The following TEAD3 variants were observed in gnomAD, a reference collection of about 807,000 sequenced individuals.
TEAD3 encodes the protein transcriptional enhancer factor TEF-5.
Under a neutral mutation model 55.6 loss-of-function variants are expected in TEAD3, and 15 were observed. The ratio of observed to expected loss-of-function variants is 0.27; its 90% CI spans 0.18 to 0.42. The LOEUF is 0.42. Ranked by LOEUF, TEAD3 falls within the 10% of genes least tolerant of loss-of-function variation. The pLI is 1.00. For missense variants in TEAD3, 407 were observed against 576.8 expected, an observed-to-expected ratio of 0.71 and a Z score of 3.01; for synonymous variants, 210 against 232.2, an observed-to-expected ratio of 0.90 and a Z score of 0.87.
Position 35,475,279 on chromosome 6 carries a change from A to T in TEAD3, c.1194+57T>A, listed in dbSNP as rs917598672. 1 of 1,607,268 alleles carries T rather than the reference A, an allele frequency of 6.2e-7. No individual in the cohort carries two copies. The highest frequency in any genetic ancestry group is 8.5e-7 in the Non-Finnish European group (1 of 1,175,780). On this transcript the variant is annotated intron_variant, in intron 12 of 12. Coordinates refer to ENST00000639578, the Ensembl canonical transcript of TEAD3. The surrounding 1 kb of genome is among the most constrained non-coding windows in gnomAD (Gnocchi z 5.4). ...TCTCAGCCAAGCGATGTGTCTGGCT[A>T]CCCAACTTGGAGGCCCTGGCCTGTG...
At chr6:35,474,544 G>A (rs2150909806), downstream of TEAD3, 1 of 156,932 alleles carries the variant, frequency 6.4e-6, no homozygotes, top group Admixed American at 6.1e-5. Context: ...CACAAGCCAT[G>A]CAAGGAGTCT....
chr6:35,481,143 T>G (rs1321004695), intron 3 of TEAD3, among the ~76,000 whole-genome samples: 1 of 151,966 alleles, frequency 6.6e-6, no homozygotes, highest in African/African-American at 2.4e-5. Flanking sequence ...TGGGTGCTCT[T>G]AATTGCAATT....
At position 35,484,660 on chromosome 6, in the gene TEAD3, A is replaced by C; in HGVS notation, c.203-36T>G. 2 of 1,560,128 alleles carry C rather than the reference A, an allele frequency of 1.3e-6. No homozygotes were observed. Among genetic ancestry groups the C allele is most frequent in the Non-Finnish European group, 1.7e-6 (2 of 1,149,634 alleles). ...GTGAGAGAGAAAATGAGGAGTGGGC[A>C]AAGGGTGGAGCCAGAGGCTGGAGGC... On this transcript the variant is annotated intron_variant, in intron 2 of 12. Coordinates refer to ENST00000639578, the Ensembl canonical transcript of TEAD3. The surrounding 1 kb of genome is among the most constrained non-coding windows in gnomAD (Gnocchi z 5.8).
rs1768341599 is a variant in TEAD3, at chr6:35,484,872, G to C, written c.203-248C>G. 6.6e-6 allele frequency among the ~76,000 whole-genome samples: 1 copy of C among 152,190 alleles called. No homozygotes were observed. The highest frequency in any genetic ancestry group is 2.4e-5 in the African/African-American group (1 of 41,446). ...GGGAGGGGTGCATGAGGGGCTGCAGGGTAGGAGGAAGGAGGGCCGAGCAGC... is the reference window on the plus strand; with the variant it reads ...GGGAGGGGTGCATGAGGGGCTGCAGCGTAGGAGGAAGGAGGGCCGAGCAGC... On this transcript the variant is annotated intron_variant, in intron 2 of 12. Transcript: ENST00000639578. This position sits in a 1 kb window ranked among gnomAD's most constrained non-coding sequence, Gnocchi z 5.8.
At position 35,476,443 on chromosome 6, in the gene TEAD3, G is replaced by C; in HGVS notation, c.593-8C>G. 1 of 1,612,634 alleles carries C rather than the reference G, an allele frequency of 6.2e-7. No individual in the cohort carries two copies. The highest frequency in any genetic ancestry group is 8.5e-7 in the Non-Finnish European group (1 of 1,179,776). ...GGGCCAGGGGCTCATAACCTGGGAGGGCGAGACAGATTTTCATCTGCATGG... is the reference window on the plus strand; with the variant it reads ...GGGCCAGGGGCTCATAACCTGGGAGCGCGAGACAGATTTTCATCTGCATGG... On this transcript the variant is annotated splice_region_variant and splice_polypyrimidine_tract_variant and intron_variant, in intron 8 of 12. Coordinates refer to ENST00000639578, the Ensembl canonical transcript of TEAD3.
In TEAD3 at chr6:35,484,435, AAGGAGGGTGGCAGTCC is replaced by A; in HGVS notation, c.267+109_267+124del. On this transcript the variant is annotated intron_variant, in intron 3 of 12. Coordinates refer to ENST00000639578, the Ensembl canonical transcript of TEAD3. This position sits in a 1 kb window ranked among gnomAD's most constrained non-coding sequence, Gnocchi z 5.8. ...GGGGGTAAGGGGAGTGTGATGAGGCAAGGAGGGTGGCAGTCCAGGTCAGGGGCAGCCTCGAGGAGGT... is the reference window on the plus strand; with the variant it reads ...GGGGGTAAGGGGAGTGTGATGAGGCAAGGTCAGGGGCAGCCTCGAGGAGGT... 1.1e-6 allele frequency: 1 copy of A among 870,548 alleles called. No individual in the cohort carries two copies. Among genetic ancestry groups the A allele is most frequent in the South Asian group, 1.5e-5 (1 of 64,670 alleles). The allele number at this position is 870,548 out of a possible 1,614,324, so 53.9% of individuals were successfully genotyped here. A position where few individuals can be genotyped will look rare whatever the true frequency, so the allele number is the denominator to read the frequency against.
At chr6:35,487,235 C>G (rs137880672) in intron 1 of TEAD3, among the ~76,000 whole-genome samples, 78 of 152,054 alleles carry the variant, frequency 5.1e-4, no homozygotes, top group African/African-American at 1.7e-3. Context: ...ACCTGACCAA[C>G]ATGGTGAAAA....
Position 35,484,472 on chromosome 6 carries a change from G to C in TEAD3, c.267+88C>G. 4 of 1,323,352 alleles carry C rather than the reference G, an allele frequency of 3.0e-6. No individual in the cohort carries two copies. The South Asian group carries it at 5.1e-5, about 17-fold the overall frequency. The allele number at this position is 1,323,352 out of a possible 1,614,324, so 82.0% of individuals were successfully genotyped here. A position where few individuals can be genotyped will look rare whatever the true frequency, so the allele number is the denominator to read the frequency against. ...AGTCCAGGTCAGGGGCAGCCTCGAG[G>C]AGGTGGGCAGGGTAGGGGCAAGGGG... On this transcript the variant is annotated intron_variant, in intron 3 of 12. Transcript: ENST00000639578. This position sits in a 1 kb window ranked among gnomAD's most constrained non-coding sequence, Gnocchi z 5.8.
At chr6:35,474,794 G>A (rs1312882334), downstream of TEAD3, 4 of 483,750 alleles carry the variant, frequency 8.3e-6, no homozygotes, top group South Asian at 2.6e-5. Flanking sequence ...GCAGAGCAGG[G>A]TGATGGTGGG....
In TEAD3 at chr6:35,488,696, G is replaced by C. The variant is rs994995637; in HGVS notation, c.-49-1985C>G. On this transcript the variant is annotated intron_variant, in intron 1 of 12. Transcript: ENST00000639578. The surrounding 1 kb of genome is among the most constrained non-coding windows in gnomAD (Gnocchi z 4.2). ...AGGTCTGAATGTCAGCCAGTTATTCGGTTATTTTTTTTCTTTTTTAAATTT... is the reference window on the plus strand; with the variant it reads ...AGGTCTGAATGTCAGCCAGTTATTCCGTTATTTTTTTTCTTTTTTAAATTT... Among the ~76,000 whole-genome samples the C allele has an allele frequency of 6.6e-6, 1 of 151,832 alleles. No homozygotes were observed. The highest frequency in any genetic ancestry group is 1.5e-5 in the Non-Finnish European group (1 of 67,912).
Position 35,475,052 on chromosome 6 carries a change from T to A in TEAD3, c.1300A>T (p.Lys434Ter). Residue 434 changes from lysine (K) to a stop codon, truncating the protein, a stop_gained, in exon 13 of 13, where the codon AAA becomes TAA. Coordinates refer to ENST00000639578, the Ensembl canonical transcript of TEAD3. LOFTEE classifies it high-confidence loss of function. The surrounding 1 kb of genome is among the most constrained non-coding windows in gnomAD (Gnocchi z 5.4). The stretch of plus-strand genomic sequence containing the variant: ...GAGGCGCAGAGGGCACCCTAGTCTT[T>A]GACGAGCTTGTAGACATGGTGCTGG... The A allele has an allele frequency of 6.3e-7, 1 of 1,581,496 alleles. No individual in the cohort carries two copies. The highest frequency in any genetic ancestry group is 1.2e-5 in the South Asian group (1 of 86,308).
chr6:35,486,805 A>G lies in TEAD3; in HGVS notation c.-49-94T>C. The G allele has an allele frequency of 1.2e-6, 1 of 837,628 alleles. No individual in the cohort carries two copies. Among genetic ancestry groups the G allele is most frequent in the Non-Finnish European group, 1.8e-6 (1 of 550,716 alleles). 51.9% of individuals were successfully genotyped at this position (837,628 alleles called of 1,614,324 possible). On this transcript the variant is annotated intron_variant, in intron 1 of 12. Coordinates refer to ENST00000639578, the Ensembl canonical transcript of TEAD3. The surrounding 1 kb of genome is among the most constrained non-coding windows in gnomAD (Gnocchi z 7.3). ...CCGCTGGCTCTGGAGCTCCGCCCCC[A>G]GCCCCAAGCCCACCCTAGGAGCAGG...
intron 4 of TEAD3, 107 bp from the exon 5 acceptor site, chr6:35,479,423 C>G: frequency 1.4e-6 from 2 of 1,426,352 alleles, no homozygotes; most frequent in Non-Finnish European, 2.0e-6. Flanking sequence ...TGGGTTTTAG[C>G]TTCCGAGGAG....
Position 35,476,297 on chromosome 6 carries a change from G to A in TEAD3, c.726+5C>T, listed in dbSNP as rs778749806. 14 of 1,611,480 alleles carry A rather than the reference G, an allele frequency of 8.7e-6. No individual in the cohort carries two copies. The highest frequency in any genetic ancestry group is 5.5e-5 in the South Asian group (5 of 90,972). ...AAGCCTCACCCTCACCCCCAAACACGTTACCGTGTCAGGGTCTCGCTGCAC... is the reference window on the plus strand; with the variant it reads ...AAGCCTCACCCTCACCCCCAAACACATTACCGTGTCAGGGTCTCGCTGCAC... On this transcript the variant is annotated splice_donor_5th_base_variant and intron_variant, in intron 9 of 12. Coordinates refer to ENST00000639578, the Ensembl canonical transcript of TEAD3.
intron 6 of TEAD3, 51 bp downstream of exon 6, chr6:35,478,383 C>T (rs1180095223): frequency 3.1e-6 from 5 of 1,613,562 alleles, no homozygotes; most frequent in African/African-American, 1.3e-5. Flanking sequence ...CACTAAAGCT[C>T]ATCCTTTACA....
intron 1 of TEAD3, among the ~76,000 whole-genome samples, chr6:35,487,087 C>T (rs775548992): frequency 6.6e-6 from 1 of 152,254 alleles, no homozygotes; most frequent in Non-Finnish European, 1.5e-5. Flanking sequence ...ACCAACACAG[C>T]ACTTTTGTAG....
chr6:35,492,427 G>T lies in TEAD3; in HGVS notation c.-50+4471C>A, dbSNP rs1051329684. On this transcript the variant is annotated intron_variant, in intron 1 of 12. Transcript: ENST00000639578. ...TGCTCTGGGGCAGCAGAGCAAGTAG[G>T]GATGTATCTGTCTCCCCCACCTCCA... 7.2e-5 allele frequency among the ~76,000 whole-genome samples: 11 copies of T among 152,172 alleles called. No homozygotes were observed. The East Asian group carries it at 7.8e-4, about 11-fold the overall frequency.
intron 3 of TEAD3, among the ~76,000 whole-genome samples, chr6:35,481,692 A>G (rs186436655): frequency 1.3e-3 from 195 of 152,336 alleles, no homozygotes; most frequent in African/African-American, 4.6e-3. Flanking sequence ...AAAGCCTGGA[A>G]AGGTTAAGCT....
At chr6:35,493,397 G>A (rs912248341) in intron 1 of TEAD3, among the ~76,000 whole-genome samples, 1 of 151,980 alleles carries the variant, frequency 6.6e-6, no homozygotes, top group Non-Finnish European at 1.5e-5. Context: ...ACAGCCCTGG[G>A]GGTGTCACCC....
Sources: gnomAD v4.1 joint callset for allele counts (sites outside exome capture counted in the v4.1 genomes callset) on GRCh38, gnomAD v4.1.1 for gene constraint, Gnocchi (gnomAD v3.1) non-coding constraint, MANE v1.5 for transcripts, NCBI Gene and HGNC (gene_info 2026-07-23, HGNC 2026-07-21) for gene names.